The following XPC variants were observed in gnomAD, a reference collection of about 807,000 sequenced individuals.
XPC encodes DNA repair protein complementing XP-C cells.
A neutral mutation model predicts 95.8 loss-of-function variants in XPC; 76 were observed. That is an observed-to-expected ratio of 0.79 (90% CI 0.66 to 0.96). The LOEUF is 0.96. Ranked by LOEUF, XPC falls within the 40% of genes least tolerant of loss-of-function variation. XPC has a pLI of 0.00. For missense variants in XPC, 1,146 were observed against 1,179.8 expected (o/e 0.97, Z 0.42); for synonymous variants, 442 against 442.1 (o/e 1.00, Z 0.00).
At chr3:14,155,146 C>T (rs1695850689) in intron 10 of XPC, among the ~76,000 whole-genome samples, 1 of 152,198 alleles carries the variant, frequency 6.6e-6, no homozygotes, top group African/African-American at 2.4e-5. Context: ...AAACAGAAAG[C>T]TCCAAGACAG....
At position 14,145,521 on chromosome 3, in the gene XPC, TG is replaced by T. The variant is rs778681246; in HGVS notation, c.*419del. On this transcript the variant is annotated 3_prime_UTR_variant, in exon 16 of 16. Coordinates refer to ENST00000285021, the MANE Select transcript of XPC (RefSeq NM_004628.5). ...GAGGCGAGTGAACTTGTCGGACAGA[TG>T]AAGACTCTAACTGGAAGAAACGATC... 44 of 699,926 alleles carry T rather than the reference TG, an allele frequency of 6.3e-5. No homozygotes were observed. Among genetic ancestry groups the T allele is most frequent in the Non-Finnish European group, 1.1e-4 (43 of 384,576 alleles). The allele number at this position is 699,926 out of a possible 1,614,324, so 43.4% of individuals were successfully genotyped here.
Position 14,158,532 on chromosome 3 carries a change from C to G in XPC, c.1351G>C (p.Glu451Gln). ...SGSDFELSSG[E>Q]ASDPSDEDSE... ...TCCTCATCAGAGGGATCAGAGGCTT[C>G]TCCACTGGAGAGCTCAAAATCAGAG... is the stretch of plus-strand genomic sequence containing the variant. The change falls in exon 9 of 16, where the codon GAA becomes CAA. Residue 451 changes from glutamate (E) to glutamine (Q), a missense_variant. Glu to Gln is a conservative substitution (Grantham distance 29). Coordinates refer to ENST00000285021, the MANE Select transcript of XPC (RefSeq NM_004628.5). This position sits in a 1 kb window ranked among gnomAD's most constrained non-coding sequence, Gnocchi z 5.2. 1 of 1,612,998 alleles carries G rather than the reference C, an allele frequency of 6.2e-7. No homozygotes were observed. Among genetic ancestry groups the G allele is most frequent in the Middle Eastern group, 1.6e-4 (1 of 6,062 alleles).
Position 14,145,739 on chromosome 3 carries a change from C to A in XPC, c.*202G>T, listed in dbSNP as rs1401449701. 1 of 725,214 alleles carries A rather than the reference C, an allele frequency of 1.4e-6. No individual in the cohort carries two copies. Among genetic ancestry groups the A allele is most frequent in the Admixed American group, 2.0e-5 (1 of 50,018 alleles). 44.9% of individuals were successfully genotyped at this position (725,214 alleles called of 1,614,324 possible). On this transcript the variant is annotated 3_prime_UTR_variant, in exon 16 of 16. Transcript: ENST00000285021. Reference sequence around the variant, plus strand: ...AAGGCTTCACCCTGGGTGAATCTGACAAGGGCTGGAGCCAGACGGGACCTG... The same window carrying A: ...AAGGCTTCACCCTGGGTGAATCTGAAAAGGGCTGGAGCCAGACGGGACCTG...
chr3:14,172,359 T>C (rs1194274698), intron 2 of XPC, among the ~76,000 whole-genome samples: 1 of 152,086 alleles, frequency 6.6e-6, no homozygotes, highest in Admixed American at 6.5e-5. Flanking sequence ...GAAGAATCAG[T>C]GAAGCCTCTG....
At chr3:14,165,329 C>T (rs540442654) in intron 6 of XPC, 99 bp downstream of exon 6, 20 of 1,396,182 alleles carry the variant, frequency 1.4e-5, no homozygotes, top group Admixed American at 7.6e-5. Flanking sequence ...ACATAGTTAC[C>T]GCCTCAGGGA....
In XPC at chr3:14,165,484, A is replaced by G. The variant is rs1459128629; in HGVS notation, c.723T>C (p.Phe241=). The change falls in exon 6 of 16, where the codon TTT becomes TTC. Residue 241 remains phenylalanine (F), a synonymous_variant. Transcript: ENST00000285021. ...AIGLSIIPAR[F]TRVLPRDVDT... ...CCACATCTCGAGGCAGCACTCTGGT[A>G]AAGCGGGCTGGGATGATGGACAGGC... 1.9e-6 allele frequency: 3 copies of G among 1,606,598 alleles called. No individual in the cohort carries two copies. Among genetic ancestry groups the G allele is most frequent in the South Asian group, 1.1e-5 (1 of 89,356 alleles).
Position 14,147,286 on chromosome 3 carries a change from T to C in XPC, c.2604+4A>G. On this transcript the variant is annotated splice_donor_region_variant and intron_variant, in intron 15 of 15. Transcript: ENST00000285021. ...TGTCTTCTCTGCAAAGAACCTGCAC[T>C]GACCTTGGGCCCGTAGCGACGCTTC... 17 of 1,607,202 alleles carry C rather than the reference T, an allele frequency of 1.1e-5. No homozygotes were observed. The highest frequency in any genetic ancestry group is 1.4e-5 in the Non-Finnish European group (17 of 1,176,926).
intron 2 of XPC, 54 bp from the exon 3 acceptor site, chr3:14,170,604 C>A: frequency 7.2e-7 from 1 of 1,390,536 alleles, no homozygotes; most frequent in South Asian, 1.3e-5. Flanking sequence ...TCCTAGTGTT[C>A]CATTCAAGCT....
intron 3 of XPC, 92 bp from the exon 4 acceptor site, chr3:14,168,472 G>A: frequency 6.7e-7 from 1 of 1,501,746 alleles, no homozygotes; most frequent in South Asian, 1.2e-5. Flanking sequence ...TGGGAAGGAG[G>A]AAGTGAGGCA....
chr3:14,148,330 TG>T, intron 13 of XPC: 2 of 647,996 alleles, frequency 3.1e-6, no homozygotes, highest in Non-Finnish European at 5.1e-6. Flanking sequence ...TCCCTAAACC[TG>T]GGAAGAACGT....
Position 14,158,147 on chromosome 3 carries a change from C to G in XPC, c.1736G>C (p.Arg579Pro). 1 of 1,613,956 alleles carries G rather than the reference C, an allele frequency of 6.2e-7. No homozygotes were observed. The highest frequency in any genetic ancestry group is 8.5e-7 in the Non-Finnish European group (1 of 1,179,884). Residue 579 changes from arginine (R) to proline (P), a missense_variant, in exon 9 of 16, where the codon CGA (arginine) becomes CCA (proline). Arg to Pro is a moderately radical substitution (Grantham distance 103). Coordinates refer to ENST00000285021, the MANE Select transcript of XPC (RefSeq NM_004628.5). This position sits in a 1 kb window ranked among gnomAD's most constrained non-coding sequence, Gnocchi z 5.2. ...TGGGTCGTACCTCTGTGTGACATCT[C>G]GGACCCAGCCGTCACTGTCAATGCC... Reference protein sequence around the residue: ...VVGIDSDGWVRDVTQRYDPVW... With the variant: ...VVGIDSDGWVPDVTQRYDPVW...
chr3:14,155,462 A>G (rs898749084), intron 10 of XPC, among the ~76,000 whole-genome samples: 3 of 152,000 alleles, frequency 2.0e-5, no homozygotes. Context: ...TTAATTTTAT[A>G]TATATTTTAT....
chr3:14,166,089 C>T (rs775218386), intron 5 of XPC: 2 of 156,766 alleles, frequency 1.3e-5, no homozygotes, highest in Admixed American at 6.1e-5. Context: ...CACATCTTTG[C>T]CCTTCCTCTG....
rs1187759708 is a variant in XPC, at chr3:14,145,648, G to C, written c.*293C>G. The C allele has an allele frequency of 4.3e-6, 3 of 699,254 alleles. No homozygotes were observed. Among genetic ancestry groups the C allele is most frequent in the African/African-American group, 1.7e-5 (1 of 57,180 alleles). The allele number at this position is 699,254 out of a possible 1,614,324, so 43.3% of individuals were successfully genotyped here. A position where few individuals can be genotyped will look rare whatever the true frequency, so the allele number is the denominator to read the frequency against. Reference sequence around the variant, plus strand: ...GAAAGAACAGGTCTAGGAGGCAGAAGAGTATCTCCTAGCAAAGTGTTCTGT... The same window carrying C: ...GAAAGAACAGGTCTAGGAGGCAGAACAGTATCTCCTAGCAAAGTGTTCTGT... On this transcript the variant is annotated 3_prime_UTR_variant, in exon 16 of 16. Transcript: ENST00000285021.
chr3:14,172,740 C>T, intron 2 of XPC, 127 bp downstream of exon 2: 1 of 1,109,406 alleles, frequency 9.0e-7, no homozygotes. Flanking sequence ...CTGAGTTGTA[C>T]CTAGAAGAAT....
At chr3:14,172,004 G>A (rs574592149) in intron 2 of XPC, among the ~76,000 whole-genome samples, 1 of 152,098 alleles carries the variant, frequency 6.6e-6, no homozygotes, top group South Asian at 2.1e-4. Context: ...CTGGCAGTGA[G>A]GATTTGTTTA....
In XPC at chr3:14,145,794, CCT is replaced by C. The variant is rs1408671243; in HGVS notation, c.*145_*146del. On this transcript the variant is annotated 3_prime_UTR_variant, in exon 16 of 16. Transcript: ENST00000285021. The stretch of plus-strand genomic sequence containing the variant: ...ACCTCCTCAGCTTGGCCTCGTCTCC[CCT>C]GACCCCGCCTCCGTGCATGCTGCCT... 15 of 1,025,670 alleles carry C rather than the reference CCT, an allele frequency of 1.5e-5. No individual in the cohort carries two copies. The highest frequency in any genetic ancestry group is 8.0e-5 in the Admixed American group (4 of 50,008). 63.5% of individuals were successfully genotyped at this position (1,025,670 alleles called of 1,614,324 possible). A position where few individuals can be genotyped will look rare whatever the true frequency, so the allele number is the denominator to read the frequency against.
Position 14,150,941 on chromosome 3 carries a change from A to G in XPC, c.2115+1394T>C, listed in dbSNP as rs141599856. ...ATGGGGAGGGTGCGGGACTCAGACT[A>G]AAGGCGCTGGCCAAGGTGGGACAAG... On this transcript the variant is annotated intron_variant, in intron 11 of 15. Coordinates refer to ENST00000285021, the MANE Select transcript of XPC (RefSeq NM_004628.5). 7.0e-3 allele frequency among the ~76,000 whole-genome samples: 1,067 copies of G among 152,286 alleles called. 11 individuals carry two copies. Among genetic ancestry groups the G allele is most frequent in the Non-Finnish European group, 9.9e-3 (673 of 68,026 alleles).
rs1183971719 is a variant in XPC, at chr3:14,167,174, G to GT, written c.615dup (p.His206ThrfsTer17). 3.7e-6 allele frequency: 6 copies of GT among 1,602,394 alleles called. No homozygotes were observed. The highest frequency in any genetic ancestry group is 5.1e-6 in the Non-Finnish European group (6 of 1,173,680). On this transcript the variant is annotated frameshift_variant, in exon 5 of 16. Transcript: ENST00000285021. LOFTEE classifies it high-confidence loss of function. ...CCATCATTCCTTGCCCTTACCTTGT[G>GT]TGTGTCCTCATGGACCCCTTTATTG...
Sources: allele counts gnomAD v4.1 joint callset (sites outside exome capture counted in the v4.1 genomes callset), GRCh38; gene constraint gnomAD v4.1.1; non-coding constraint Gnocchi (gnomAD v3.1); transcripts MANE v1.5; gene names NCBI Gene and HGNC (gene_info 2026-07-23, HGNC 2026-07-21).